The following PSG9 variants were observed in gnomAD, a reference collection of about 807,000 sequenced individuals.
The protein encoded by PSG9 is pregnancy-specific beta-1-glycoprotein 9.
PSG9 carries 49 observed loss-of-function variants against 41.9 expected under a neutral mutation model. The observed-to-expected ratio is 1.17, with a 90% CI of 0.93 to 1.48. PSG9 has a LOEUF of 1.48. PSG9 is among the 40% of genes most tolerant of loss of function. The probability of loss-of-function intolerance (pLI) is 0.00; values close to 1 mark genes in which losing one functional copy is unlikely to be tolerated. For missense variants in PSG9, 641 were observed against 520.3 expected (o/e 1.23, Z -2.26); for synonymous variants, 263 against 196.8 (o/e 1.34, Z -2.82).
chr19:43,267,460 T>C (rs907286588), intron 2 of PSG9, among the ~76,000 whole-genome samples: 3 of 152,090 alleles, frequency 2.0e-5, no homozygotes, highest in African/African-American at 7.2e-5. Flanking sequence ...CAAGCCCTAC[T>C]CAGTTCTCCA....
In PSG9 at chr19:43,257,663, C is replaced by G; in HGVS notation, c.1243+539G>C. 1.3e-5 allele frequency: 14 copies of G among 1,053,306 alleles called. 2 individuals carry two copies. The highest frequency in any genetic ancestry group is 1.6e-5 in the Non-Finnish European group (14 of 881,446). 65.2% of individuals were successfully genotyped at this position (1,053,306 alleles called of 1,614,324 possible). ...AGGCCACCAGGGCCCTTTCTACACA[C>G]ACGCTAGTCCCACCCCAGGTTGAGT... is the stretch of plus-strand genomic sequence containing the variant. On this transcript the variant is annotated intron_variant, in intron 5 of 5. Coordinates refer to ENST00000270077, the MANE Select transcript of PSG9 (RefSeq NM_002784.5).
intron 2 of PSG9, among the ~76,000 whole-genome samples, chr19:43,266,780 G>A (rs1299224796): frequency 6.6e-6 from 1 of 152,102 alleles, no homozygotes; most frequent in East Asian, 1.9e-4. Context: ...GGAGAGGATA[G>A]GCCTGTGGCT....
Position 43,269,385 on chromosome 19 carries a change from T to A in PSG9, c.47A>T (p.Lys16Met), listed in dbSNP as rs751739071. 6.2e-7 allele frequency: 1 copy of A among 1,613,488 alleles called. No homozygotes were observed. The highest frequency in any genetic ancestry group is 1.3e-5 in the African/African-American group (1 of 74,914). ...CTCCTCACCTGTGAGCAGGAGCCCCTTCCAGGTGATGCGCTGTGTGCAGGA... is the reference window on the plus strand; with the variant it reads ...CTCCTCACCTGTGAGCAGGAGCCCCATCCAGGTGATGCGCTGTGTGCAGGA... ...APSCTQRITW[K>M]GLLLTASLLN... Residue 16 changes from lysine to methionine, a missense_variant, in exon 1 of 6, where the codon AAG becomes ATG. By Grantham distance (95) the Lys-to-Met change is moderately conservative. Transcript: ENST00000270077.
At chr19:43,254,974 C>A (rs1968393119) in intron 5 of PSG9, among the ~76,000 whole-genome samples, 1 of 143,974 alleles carries the variant, frequency 6.9e-6, no homozygotes, top group South Asian at 2.2e-4. Flanking sequence ...ACCTGTAGTC[C>A]TAGCATCTTG....
In PSG9 at chr19:43,258,895, C is replaced by G. The variant is rs1301006038; in HGVS notation, c.950G>C (p.Gly317Ala). ...GATGACTGGGTTACTGCGGAGGCCA[C>G]CATATCGGTCCCGTATTTCACATTG... ...PYQCEIRDRY[G>A]GLRSNPVILN... is the part of the protein sequence containing the mutation. The change falls in exon 4 of 6, where the codon GGT becomes GCT. Residue 317 changes from glycine to alanine, a missense_variant. By Grantham distance (60) the Gly-to-Ala change is moderately conservative. Coordinates refer to ENST00000270077, the MANE Select transcript of PSG9 (RefSeq NM_002784.5). The G allele has an allele frequency of 6.3e-7, 1 of 1,588,068 alleles. No homozygotes were observed. Among genetic ancestry groups the G allele is most frequent in the Admixed American group, 1.7e-5 (1 of 58,510 alleles).
In PSG9 at chr19:43,258,364, G is replaced by T; in HGVS notation, c.1081C>A (p.Pro361Thr). The T allele has an allele frequency of 6.3e-7, 1 of 1,593,036 alleles. No homozygotes were observed. The highest frequency in any genetic ancestry group is 8.5e-7 in the Non-Finnish European group (1 of 1,174,608). Residue 361 changes from proline to threonine, a missense_variant, in exon 5 of 6, where the codon CCG (proline) becomes ACG (threonine). By Grantham distance (38) the Pro-to-Thr change is conservative (BLOSUM62 -1). Coordinates refer to ENST00000270077, the MANE Select transcript of PSG9 (RefSeq NM_002784.5). Reference protein sequence around the residue: ...DLSCFTESNPPAEYFWTINGK... With the variant: ...DLSCFTESNPTAEYFWTINGK... ...TTAATTGTCCAAAAATACTCTGCCG[G>T]TGGGTTAGATTCCGTGAAGCAGGAC...
chr19:43,255,984 C>A (rs547946192), intron 5 of PSG9, among the ~76,000 whole-genome samples: 1 of 146,152 alleles, frequency 6.8e-6, no homozygotes, highest in Non-Finnish European at 1.5e-5. Context: ...GGCATTTTTG[C>A]AGAAAAAGAA....
chr19:43,268,149 G>T lies in PSG9; in HGVS notation c.65C>A (p.Ala22Glu), dbSNP rs1304964603. The T allele has an allele frequency of 6.3e-7, 1 of 1,598,182 alleles. No individual in the cohort carries two copies. The highest frequency in any genetic ancestry group is 1.3e-5 in the African/African-American group (1 of 74,192). The change falls in exon 2 of 6, where the codon GCA (alanine) becomes GAA (glutamate). Residue 22 changes from alanine (A) to glutamate (E), a missense_variant and splice_region_variant. Ala to Glu is a moderately radical substitution (Grantham distance 107, BLOSUM62 -1). Coordinates refer to ENST00000270077, the MANE Select transcript of PSG9 (RefSeq NM_002784.5). Reference sequence around the variant, plus strand: ...CGGGTTCCAGAAGTTTAAAAGTGATGCTAGGAGGGGGAGACAGCATCAGTT... The same window carrying T: ...CGGGTTCCAGAAGTTTAAAAGTGATTCTAGGAGGGGGAGACAGCATCAGTT... Reference protein sequence around the residue: ...RITWKGLLLTASLLNFWNPPT... With the variant: ...RITWKGLLLTESLLNFWNPPT...
chr19:43,266,354 G>T (rs191407549), intron 2 of PSG9, among the ~76,000 whole-genome samples: 1 of 151,260 alleles, frequency 6.6e-6, no homozygotes, highest in Non-Finnish European at 1.5e-5. Flanking sequence ...GATTCTGCAT[G>T]CAAATTCAGT....
chr19:43,266,240 G>A (rs1780218041), intron 2 of PSG9, among the ~76,000 whole-genome samples: 1 of 152,000 alleles, frequency 6.6e-6, no homozygotes, highest in African/African-American at 2.4e-5. Context: ...GAGCTTCAGA[G>A]TTACATGAGG....
At chr19:43,257,848 GA>G (rs199874744) in intron 5 of PSG9, 13 of 1,373,656 alleles carry the variant, frequency 9.5e-6, no homozygotes, top group African/African-American at 3.1e-5. Context: ...ATAGGTACAA[GA>G]AAAAAAAGAC....
rs146814504 is a variant in PSG9 at position 43,268,467 on chromosome 19, C to T, written c.65-318G>A. Among the ~76,000 whole-genome samples the T allele has an allele frequency of 1.6e-3, 250 of 152,280 alleles. 2 individuals carry two copies. The East Asian group carries it at 0.031, about 19-fold the overall frequency. ...CTCCACACTGCCCTCAGGTCCTGCT[C>T]ACATCAGGGCATCCTTAGACTTCTT... On this transcript the variant is annotated intron_variant, in intron 1 of 5. Coordinates refer to ENST00000270077, the MANE Select transcript of PSG9 (RefSeq NM_002784.5).
chr19:43,268,975 C>G (rs1460516272), intron 1 of PSG9, among the ~76,000 whole-genome samples: 1 of 152,036 alleles, frequency 6.6e-6, no homozygotes, highest in Non-Finnish European at 1.5e-5. Context: ...GTATTTTCCC[C>G]TATCCAGGCT....
intron 3 of PSG9, among the ~76,000 whole-genome samples, 190 bp downstream of exon 3, chr19:43,261,670 C>T (rs894424770): frequency 1.3e-5 from 2 of 152,128 alleles, no homozygotes; most frequent in African/African-American, 2.4e-5. Context: ...GACACAGCAG[C>T]CTCTTTTCTC....
rs142288627 is a variant in PSG9 at position 43,257,535 on chromosome 19, C to T, written c.1243+667G>A. ...TGGTGACTTCAGAGCCAGGACGCAGCTCAGGAGTCTGCCCTGAGGCTCCCT... is the reference window on the plus strand; with the variant it reads ...TGGTGACTTCAGAGCCAGGACGCAGTTCAGGAGTCTGCCCTGAGGCTCCCT... On this transcript the variant is annotated intron_variant, in intron 5 of 5. Transcript: ENST00000270077. 7.2e-4 allele frequency: 703 copies of T among 979,674 alleles called. 101 individuals are homozygous for T. The African/African-American group carries it at 0.013, about 17-fold the overall frequency. 60.7% of individuals were successfully genotyped at this position (979,674 alleles called of 1,614,324 possible). A position where few individuals can be genotyped will look rare whatever the true frequency, so the allele number is the denominator to read the frequency against.
intron 1 of PSG9, 74 bp downstream of exon 1, chr19:43,269,294 C>T: frequency 6.2e-7 from 1 of 1,608,314 alleles, no homozygotes; most frequent in Non-Finnish European, 8.5e-7. Context: ...TTTACAACCC[C>T]ATCCTCTCCA....
rs941888032 is a variant in PSG9 at position 43,253,501 on chromosome 19, T to C, written c.*108A>G. 2.1e-6 allele frequency: 1 copy of C among 465,372 alleles called. No individual in the cohort carries two copies. The highest frequency in any genetic ancestry group is 2.2e-5 in the African/African-American group (1 of 46,432). The allele number at this position is 465,372 out of a possible 1,614,324, so 28.8% of individuals were successfully genotyped here. A position where few individuals can be genotyped will look rare whatever the true frequency, so the allele number is the denominator to read the frequency against. ...TTTCCAATAAAAAATTATGAAAACA[T>C]TATCCTTTTGATTATTTAGTCCAAT... is the stretch of plus-strand genomic sequence containing the variant. On this transcript the variant is annotated 3_prime_UTR_variant, in exon 6 of 6. Coordinates refer to ENST00000270077, the MANE Select transcript of PSG9 (RefSeq NM_002784.5).
rs200694603 is a variant in PSG9 at position 43,262,141 on chromosome 19, G to T, written c.431-3C>A. ...GATGTAGGGCTTGGGAGTCTCCACT[G>T]TGCAGAAAACAGAGAGAAGATTGCC... is the stretch of plus-strand genomic sequence containing the variant. On this transcript the variant is annotated splice_region_variant and splice_polypyrimidine_tract_variant and intron_variant, in intron 2 of 5. Coordinates refer to ENST00000270077, the MANE Select transcript of PSG9 (RefSeq NM_002784.5). The T allele has an allele frequency of 4.3e-5, 69 of 1,611,120 alleles. No individual in the cohort carries two copies. The highest frequency in any genetic ancestry group is 2.2e-5 in the East Asian group (1 of 44,842).
intron 5 of PSG9, among the ~76,000 whole-genome samples, chr19:43,256,695 C>G (rs1009705660): frequency 4.8e-5 from 7 of 146,598 alleles, no homozygotes; most frequent in Non-Finnish European, 1.5e-5. Flanking sequence ...GACAACAACA[C>G]AAAACAACAG....
Sources: allele counts gnomAD v4.1 joint callset (sites outside exome capture counted in the v4.1 genomes callset), GRCh38; gene constraint gnomAD v4.1.1; transcripts MANE v1.5; gene names NCBI Gene and HGNC (gene_info 2026-07-23, HGNC 2026-07-21).